BBS2: variants seen among roughly 807,000 people sequenced by gnomAD.
BBS2 encodes BBSome complex member BBS2.
Under a neutral mutation model 83.0 loss-of-function variants are expected in BBS2, and 62 were observed. That is an observed-to-expected ratio of 0.75 (90% CI 0.61 to 0.92). The LOEUF is 0.92. Among genes scored for constraint, BBS2 ranks in the 40% least tolerant of loss-of-function variants. The probability of loss-of-function intolerance (pLI) is 0.00; values close to 1 mark genes in which losing one functional copy is unlikely to be tolerated. For missense variants in BBS2, 784 were observed against 901.0 expected (o/e 0.87, Z 1.66); for synonymous variants, 303 against 326.1 (o/e 0.93, Z 0.76).
intron 15 of BBS2, among the ~76,000 whole-genome samples, chr16:56,487,780 C>T (rs1352525471): frequency 2.6e-4 from 39 of 152,054 alleles, no homozygotes; most frequent in Admixed American, 2.6e-3. Context: ...CAAACAAGCA[C>T]AAGTAGCTAG....
intron 15 of BBS2, among the ~76,000 whole-genome samples, chr16:56,489,809 A>T: frequency 6.6e-6 from 1 of 151,718 alleles, no homozygotes; most frequent in Non-Finnish European, 1.5e-5. Flanking sequence ...TCAAAGAAAA[A>T]AAAAAAGTAG....
chr16:56,508,340 TAC>T (rs1247084561), intron 5 of BBS2, among the ~76,000 whole-genome samples: 1 of 152,190 alleles, frequency 6.6e-6, no homozygotes, highest in Non-Finnish European at 1.5e-5. Context: ...GCTTTTCTGA[TAC>T]AGACTCCTAA....
At chr16:56,519,330 CAAAAAAAA>C (rs35141671) in intron 1 of BBS2, among the ~76,000 whole-genome samples, 10 of 55,710 alleles carry the variant, frequency 1.8e-4, no homozygotes, top group Non-Finnish European at 3.9e-4. Flanking sequence ...GACTCCGTCT[CAAAAAAAA>C]AAAAAAAAAA....
At chr16:56,497,653 AT>A in intron 14 of BBS2, 89 bp downstream of exon 14, 2 of 1,560,316 alleles carry the variant, frequency 1.3e-6, no homozygotes, top group Non-Finnish European at 1.8e-6. Flanking sequence ...AAACATCACT[AT>A]AACATAAGTA....
chr16:56,490,357 A>G (rs753087222), intron 15 of BBS2, among the ~76,000 whole-genome samples: 14 of 151,854 alleles, frequency 9.2e-5, no homozygotes, highest in Non-Finnish European at 1.6e-4. Context: ...TTCAAAATGT[A>G]AAAGTATTAA....
intron 15 of BBS2, among the ~76,000 whole-genome samples, chr16:56,493,208 G>A (rs1260674552): frequency 2.0e-5 from 3 of 152,040 alleles, no homozygotes; most frequent in African/African-American, 7.2e-5. Context: ...GCAATGTGGT[G>A]AGACCCTGTC....
At chr16:56,498,796 A>G in intron 12 of BBS2, 13 of 1,199,460 alleles carry the variant, frequency 1.1e-5, no homozygotes, top group Non-Finnish European at 1.5e-5. Flanking sequence ...CTATGCTCTT[A>G]AGTAACATTC....
At chr16:56,515,472 C>A (rs902528665) in intron 1 of BBS2, among the ~76,000 whole-genome samples, 3 of 152,088 alleles carry the variant, frequency 2.0e-5, no homozygotes, top group African/African-American at 7.2e-5. Context: ...TCTGAGGTAT[C>A]AGAATTTCAC....
intron 11 of BBS2, chr16:56,500,300 T>G (rs74246250): frequency 0.07 from 18,636 of 265,974 alleles, 1,024 homozygotes; most frequent in East Asian, 0.16. Flanking sequence ...TAAACATTTT[T>G]TGATTATGAG....
intron 17 of BBS2, chr16:56,476,062 G>C (rs1479307476): frequency 1.2e-6 from 2 of 1,612,556 alleles, no homozygotes; most frequent in African/African-American, 2.7e-5. Context: ...AGTGAATCCA[G>C]AAAGCAATTC....
intron 15 of BBS2, among the ~76,000 whole-genome samples, chr16:56,490,069 ATC>A (rs1463068946): frequency 1.3e-5 from 2 of 151,606 alleles, no homozygotes; most frequent in African/African-American, 4.9e-5. Context: ...GTGAGCTGTG[ATC>A]TCTCTGCACT....
chr16:56,470,427 T>G, downstream of BBS2: 1 of 1,454,176 alleles, frequency 6.9e-7, no homozygotes, highest in Non-Finnish European at 9.4e-7. Flanking sequence ...TCAGCTTTTA[T>G]TCTGTGAGTC....
intron 15 of BBS2, among the ~76,000 whole-genome samples, chr16:56,490,078 C>T (rs960442300): frequency 1.4e-4 from 21 of 151,914 alleles, no homozygotes; most frequent in Non-Finnish European, 2.8e-4. Context: ...GATCTCTCTG[C>T]ACTCCAGCCT....
chr16:56,519,552 A>G, intron 1 of BBS2, 194 bp downstream of exon 1: 1 of 582,052 alleles, frequency 1.7e-6, no homozygotes, highest in Non-Finnish European at 3.1e-6. Context: ...AGAAAACGTC[A>G]ACTTCTCAGA....
At chr16:56,487,556 T>C (rs1455606874) in intron 15 of BBS2, among the ~76,000 whole-genome samples, 1 of 152,190 alleles carries the variant, frequency 6.6e-6, no homozygotes, top group Admixed American at 6.5e-5. Context: ...TAACATCCAG[T>C]ATCTACAAGA....
At chr16:56,479,693 G>C (rs1963613273), downstream of BBS2, among the ~76,000 whole-genome samples, 1 of 152,200 alleles carries the variant, frequency 6.6e-6, no homozygotes. Flanking sequence ...TCCTATGCCA[G>C]ATCTGCAGGG....
chr16:56,480,431 T>C (rs1432626158), downstream of BBS2, among the ~76,000 whole-genome samples: 1 of 150,534 alleles, frequency 6.6e-6, no homozygotes, highest in Non-Finnish European at 1.5e-5. Flanking sequence ...TATTTTTTAT[T>C]TTTTTTGAGA....
In BBS2 at chr16:56,500,881, A is replaced by G; in HGVS notation, c.1370T>C (p.Leu457Ser). Residue 457 changes from leucine to serine, a missense_variant, in exon 11 of 17, where the codon TTG becomes TCG. Leu to Ser is a moderately radical substitution (Grantham distance 145). Transcript: ENST00000245157. ...PPKDVPVDLH[L>S]KAFVGYRSST... ...GCTTCTGTAACCCACGAATGCCTTCAAGTGCAGATCCACAGGGACATCTTT... is the reference window on the plus strand; with the variant it reads ...GCTTCTGTAACCCACGAATGCCTTCGAGTGCAGATCCACAGGGACATCTTT... 6.2e-7 allele frequency: 1 copy of G among 1,614,172 alleles called. No individual in the cohort carries two copies. The highest frequency in any genetic ancestry group is 1.1e-5 in the South Asian group (1 of 91,084).
intron 15 of BBS2, among the ~76,000 whole-genome samples, chr16:56,490,767 A>ATT (rs201601200): frequency 2.8e-4 from 42 of 147,460 alleles, no homozygotes; most frequent in African/African-American, 9.4e-4. Context: ...GTAAAGCAAA[A>ATT]TTTTTTTTTT....
Sources: allele counts gnomAD v4.1 joint callset (sites outside exome capture counted in the v4.1 genomes callset), GRCh38; gene constraint gnomAD v4.1.1; transcripts MANE v1.5; gene names NCBI Gene and HGNC (gene_info 2026-07-23, HGNC 2026-07-21).